DENND1B: variants seen among roughly 807,000 people sequenced by gnomAD.
DENND1B encodes DENN domain-containing protein 1B.
DENND1B carries 59 observed loss-of-function variants against 90.1 expected under a neutral mutation model. The ratio of observed to expected loss-of-function variants is 0.65; its 90% CI spans 0.53 to 0.81. The LOEUF (loss-of-function observed/expected upper bound fraction) is 0.81. DENND1B is among the 40% of genes least tolerant of loss of function. The pLI, the probability that DENND1B is intolerant of heterozygous loss-of-function variation, is 0.00. For synonymous variants in DENND1B, 337 were observed against 324.6 expected (o/e 1.04, Z -0.41); for missense variants, 862 against 912.6 (o/e 0.94, Z 0.71).
At chr1:197,643,584 T>C (rs990278642) in intron 9 of DENND1B, among the ~76,000 whole-genome samples, 1 of 152,226 alleles carries the variant, frequency 6.6e-6, no homozygotes, top group African/African-American at 2.4e-5. Context: ...ACAATCATCA[T>C]CTGATACGAC....
intron 2 of DENND1B, among the ~76,000 whole-genome samples, chr1:197,740,721 T>G (rs1663135029): frequency 1.3e-5 from 2 of 152,166 alleles, no homozygotes; most frequent in Admixed American, 6.6e-5. Flanking sequence ...GGAAAAATGA[T>G]TTATGCAAGA....
chr1:197,777,797 TATTA>T (rs1053991142), upstream of DENND1B, among the ~76,000 whole-genome samples: 69 of 152,166 alleles, frequency 4.5e-4, no homozygotes, highest in African/African-American at 1.6e-3. Context: ...ATTAATTTCT[TATTA>T]ATTAATTAAT....
At chr1:197,531,275 T>C (rs974736591) in intron 20 of DENND1B, among the ~76,000 whole-genome samples, 2 of 152,202 alleles carry the variant, frequency 1.3e-5, no homozygotes, top group African/African-American at 4.8e-5. Flanking sequence ...TGTATAAAAA[T>C]TGAAGTTTGA....
intron 2 of DENND1B, among the ~76,000 whole-genome samples, chr1:197,757,857 C>A (rs1167841101): frequency 2.0e-5 from 3 of 152,180 alleles, no homozygotes; most frequent in Non-Finnish European, 4.4e-5. Context: ...TTGCACTATA[C>A]CTCTCAACTA....
At chr1:197,671,944 A>C in intron 5 of DENND1B, 93 bp downstream of exon 5, 1 of 1,282,274 alleles carries the variant, frequency 7.8e-7, no homozygotes, top group Non-Finnish European at 1.0e-6. Flanking sequence ...GTTTTTAAAG[A>C]AAACAAGTTT....
At chr1:197,769,215 A>G (rs1656098835) in intron 2 of DENND1B, among the ~76,000 whole-genome samples, 1 of 152,218 alleles carries the variant, frequency 6.6e-6, no homozygotes, top group Admixed American at 6.5e-5. Context: ...TAACAAAAGC[A>G]TTTTAATTGA....
intron 3 of DENND1B, among the ~76,000 whole-genome samples, chr1:197,692,231 TCTAA>T (rs1657971437): frequency 6.6e-6 from 1 of 151,840 alleles, no homozygotes; most frequent in South Asian, 2.1e-4. Context: ...ACCGTAGCCT[TCTAA>T]CTAGTCTCTA....
intron 3 of DENND1B, among the ~76,000 whole-genome samples, chr1:197,707,093 A>T (rs1659614701): frequency 6.6e-6 from 1 of 152,184 alleles, no homozygotes; most frequent in Non-Finnish European, 1.5e-5. Flanking sequence ...AAAAGAACAA[A>T]ATCCTGTCAT....
chr1:197,538,830 G>A (rs1670112859), intron 20 of DENND1B, among the ~76,000 whole-genome samples: 1 of 151,896 alleles, frequency 6.6e-6, no homozygotes, highest in East Asian at 1.9e-4. Context: ...TTTAAGAGGT[G>A]ATTGGGCCAT....
chr1:197,542,937 A>T (rs960108675), intron 18 of DENND1B, among the ~76,000 whole-genome samples: 6 of 151,374 alleles, frequency 4.0e-5, no homozygotes, highest in East Asian at 1.9e-4. Context: ...TTATTTATTT[A>T]TTTATTTTTT....
chr1:197,681,723 T>C (rs907888995), intron 3 of DENND1B, among the ~76,000 whole-genome samples: 1 of 152,164 alleles, frequency 6.6e-6, no homozygotes, highest in African/African-American at 2.4e-5. Flanking sequence ...TCTTTGTTCT[T>C]TGTCAGTCTC....
At chr1:197,777,790 A>T (rs1236185736), upstream of DENND1B, among the ~76,000 whole-genome samples, 1 of 152,164 alleles carries the variant, frequency 6.6e-6, no homozygotes, top group Non-Finnish European at 1.5e-5. Context: ...TTTATTAATT[A>T]ATTTCTTATT....
intron 14 of DENND1B, among the ~76,000 whole-genome samples, chr1:197,591,173 A>G (rs1252731899): frequency 1.3e-5 from 2 of 152,196 alleles, no homozygotes; most frequent in Non-Finnish European, 2.9e-5. Flanking sequence ...ATTTAGAAGT[A>G]TAATTTTCTT....
At chr1:197,772,045 T>G (rs1656681447) in intron 2 of DENND1B, among the ~76,000 whole-genome samples, 1 of 152,148 alleles carries the variant, frequency 6.6e-6, no homozygotes, top group Non-Finnish European at 1.5e-5. Context: ...CCAAGTAATT[T>G]CACACTATCG....
At chr1:197,770,891 AATATATCT>A (rs937173870) in intron 2 of DENND1B, among the ~76,000 whole-genome samples, 7 of 142,526 alleles carry the variant, frequency 4.9e-5, no homozygotes, top group East Asian at 2.0e-4. Context: ...TGTATCTATA[AATATATCT>A]ATATATCTAT....
intron 18 of DENND1B, among the ~76,000 whole-genome samples, chr1:197,544,983 G>GGGAATAA (rs1553281506): frequency 4.2e-4 from 21 of 50,418 alleles, no homozygotes; most frequent in Non-Finnish European, 3.5e-4. Context: ...AAGGAGGAAG[G>GGGAATAA]GGAAGAAGGA....
At chr1:197,770,257 A>G in intron 2 of DENND1B, among the ~76,000 whole-genome samples, 1 of 151,064 alleles carries the variant, frequency 6.6e-6, no homozygotes, top group African/African-American at 2.4e-5. Flanking sequence ...CATATTTACA[A>G]CTTTACCAGG....
intron 5 of DENND1B, among the ~76,000 whole-genome samples, chr1:197,666,596 T>A (rs1654957202): frequency 6.6e-6 from 1 of 152,304 alleles, no homozygotes; most frequent in Non-Finnish European, 1.5e-5. Flanking sequence ...ATTAAGCACA[T>A]GAATTCTAAA....
chr1:197,764,301 G>A lies in DENND1B; in HGVS notation c.82+8567C>T, dbSNP rs565292087. On this transcript the variant is annotated intron_variant, in intron 2 of 22. Coordinates refer to ENST00000620048, the MANE Select transcript of DENND1B (RefSeq NM_001195215.2). ...GCTGAAGTGAAGACAAATGGAAGAT[G>A]TAGGCTCTTGGCACATTTTCTGACA... is the stretch of plus-strand genomic sequence containing the variant. Among the ~76,000 whole-genome samples the A allele has an allele frequency of 2.5e-4, 38 of 152,272 alleles. No individual in the cohort carries two copies. In the South Asian group the frequency reaches 5.8e-3, roughly 23 times the overall value.
Sources: gnomAD v4.1 joint callset for allele counts (sites outside exome capture counted in the v4.1 genomes callset) on GRCh38, gnomAD v4.1.1 for gene constraint, MANE v1.5 for transcripts, NCBI Gene and HGNC (gene_info 2026-07-23, HGNC 2026-07-21) for gene names.